The following FANCM variants were observed in gnomAD, a reference collection of about 807,000 sequenced individuals.
FANCM encodes FA complementation group M.
FANCM carries 140 observed loss-of-function variants against 199.5 expected under a neutral mutation model. That is an observed-to-expected ratio of 0.70 (90% confidence interval 0.61 to 0.81). The LOEUF (loss-of-function observed/expected upper bound fraction) is 0.81. Among genes scored for constraint, FANCM ranks in the 30% least tolerant of loss-of-function variants. The pLI, the probability that FANCM is intolerant of heterozygous loss-of-function variation, is 0.00. For synonymous variants in FANCM, 840 were observed against 836.8 expected (o/e 1.00, Z -0.07); for missense variants, 2,410 against 2,421.4 (o/e 1.00, Z 0.10).
At chr14:45,168,123 T>C (rs1888105696) in intron 11 of FANCM, among the ~76,000 whole-genome samples, 1 of 152,192 alleles carries the variant, frequency 6.6e-6, no homozygotes. Context: ...TGTTCAACTG[T>C]TTGTTCCACT....
chr14:45,141,827 G>T (rs1462430862), intron 3 of FANCM, among the ~76,000 whole-genome samples: 1 of 151,902 alleles, frequency 6.6e-6, no homozygotes, highest in Non-Finnish European at 1.5e-5. Flanking sequence ...GACCTCAGGT[G>T]ATCTGCCGGC....
chr14:45,168,005 G>A (rs1019036719), intron 11 of FANCM, among the ~76,000 whole-genome samples: 2 of 151,974 alleles, frequency 1.3e-5, no homozygotes, highest in Non-Finnish European at 2.9e-5. Context: ...CTGTGTCTTT[G>A]TACCTTTTTC....
Position 45,185,268 on chromosome 14 carries a change from G to A in FANCM, c.4567G>A (p.Ala1523Thr), listed in dbSNP as rs1373303728. ...DDEAELSEEDAEYVSSDENDE... is the reference protein window; with the variant it reads ...DDEAELSEEDTEYVSSDENDE... Reference sequence around the variant, plus strand: ...TGAAGCAGAACTTTCTGAAGAAGATGCAGAATATGTTTCATCAGATGAAAA... The same window carrying A: ...TGAAGCAGAACTTTCTGAAGAAGATACAGAATATGTTTCATCAGATGAAAA... The change falls in exon 18 of 23, where the codon GCA (alanine) becomes ACA (threonine). Residue 1523 changes from alanine to threonine, a missense_variant. Ala to Thr is a moderately conservative substitution (Grantham distance 58). Transcript: ENST00000267430. The A allele has an allele frequency of 3.1e-6, 5 of 1,603,894 alleles. No individual in the cohort carries two copies. Among genetic ancestry groups the A allele is most frequent in the Admixed American group, 3.3e-5 (2 of 59,862 alleles).
intron 2 of FANCM, among the ~76,000 whole-genome samples, chr14:45,139,600 G>A (rs1025912832): frequency 3.3e-5 from 5 of 152,188 alleles, no homozygotes; most frequent in Admixed American, 6.5e-5. Flanking sequence ...TGGTGCTACC[G>A]AGGAAATGTT....
intron 15 of FANCM, 44 bp downstream of exon 15, chr14:45,181,568 T>C: frequency 1.3e-6 from 2 of 1,511,208 alleles, no homozygotes; most frequent in South Asian, 2.2e-5. Context: ...TATCAAAGGC[T>C]ATTTTCCTTT....
chr14:45,149,901 A>T (rs1441196813), intron 4 of FANCM, among the ~76,000 whole-genome samples: 1 of 152,126 alleles, frequency 6.6e-6, no homozygotes, highest in South Asian at 2.1e-4. Context: ...GGAGGCCAGG[A>T]ATCAGCTAAA....
Position 45,183,818 on chromosome 14 carries a change from A to G in FANCM, c.4431A>G (p.Pro1477=). ...SSDESENFPK[P]CSQLEDFKVC... ...ATGAGAGTGAGAATTTTCCCAAACCATGTTCACAATTAGAAGACTTCAAGG... is the reference window on the plus strand; with the variant it reads ...ATGAGAGTGAGAATTTTCCCAAACCGTGTTCACAATTAGAAGACTTCAAGG... The change falls in exon 17 of 23, where the codon CCA becomes CCG. Residue 1477 remains proline, a synonymous_variant. Coordinates refer to ENST00000267430, the MANE Select transcript of FANCM (RefSeq NM_020937.4). The G allele has an allele frequency of 6.2e-7, 1 of 1,608,862 alleles. No homozygotes were observed. The highest frequency in any genetic ancestry group is 8.5e-7 in the Non-Finnish European group (1 of 1,175,538).
intron 2 of FANCM, among the ~76,000 whole-genome samples, chr14:45,140,287 T>G (rs1322071988): frequency 6.6e-6 from 1 of 152,152 alleles, no homozygotes; most frequent in Non-Finnish European, 1.5e-5. Flanking sequence ...GGTCTTGAAC[T>G]CTTGAGCTAA....
In FANCM at chr14:45,136,011, C is replaced by G. The variant is rs1387801764; in HGVS notation, c.-21C>G. 1 of 1,612,636 alleles carries G rather than the reference C, an allele frequency of 6.2e-7. No homozygotes were observed. ...TGCTGCTACGGATATCTGACAGAAG[C>G]CTTCGGTGGTTGTCGGCCTAATGAG... On this transcript the variant is annotated 5_prime_UTR_variant, in exon 1 of 23. Coordinates refer to ENST00000267430, the MANE Select transcript of FANCM (RefSeq NM_020937.4).
At chr14:45,153,813 T>C (rs1408892538) in intron 5 of FANCM, 107 bp from the exon 6 acceptor site, 4 of 871,080 alleles carry the variant, frequency 4.6e-6, no homozygotes, top group African/African-American at 3.3e-5. Context: ...TATGATCATT[T>C]GGATTATATT....
At position 45,155,234 on chromosome 14, in the gene FANCM, T is replaced by A. The variant is rs116494737; in HGVS notation, c.1310-139T>A. 3.2e-3 allele frequency: 1,693 copies of A among 537,130 alleles called. 21 individuals carry two copies. The highest frequency in any genetic ancestry group is 0.029 in the African/African-American group (1,499 of 52,430). The allele number at this position is 537,130 out of a possible 1,614,324, so 33.3% of individuals were successfully genotyped here. A position where few individuals can be genotyped will look rare whatever the true frequency, so the allele number is the denominator to read the frequency against. ...CAGTAAGACTTACGTGCTACCTAGATGTTACCTCTGGTTTAAGTTTTTTAA... is the reference window on the plus strand; with the variant it reads ...CAGTAAGACTTACGTGCTACCTAGAAGTTACCTCTGGTTTAAGTTTTTTAA... On this transcript the variant is annotated intron_variant, in intron 7 of 22. Coordinates refer to ENST00000267430, the MANE Select transcript of FANCM (RefSeq NM_020937.4).
At chr14:45,195,383 T>C (rs191315242) in intron 20 of FANCM, 19 of 373,554 alleles carry the variant, frequency 5.1e-5, no homozygotes, top group Admixed American at 4.6e-4. Flanking sequence ...CTCTACCAGA[T>C]ATTAAGATTG....
Position 45,176,096 on chromosome 14 carries a change from C to A in FANCM, c.3342C>A (p.Asn1114Lys), listed in dbSNP as rs1246143735. The A allele has an allele frequency of 1.2e-6, 2 of 1,613,928 alleles. No individual in the cohort carries two copies. Among genetic ancestry groups the A allele is most frequent in the Non-Finnish European group, 1.7e-6 (2 of 1,179,972 alleles). ...CTGCACAGAATTTAGTTGGAGAGAA[C>A]AATCATGATGTTGATAACAGTGACC... ...RSPAQNLVGE[N>K]NHDVDNSDLP... Residue 1114 changes from asparagine (N) to lysine (K), a missense_variant, in exon 14 of 23, where the codon AAC (asparagine) becomes AAA (lysine). By Grantham distance (94) the Asn-to-Lys change is moderately conservative. Transcript: ENST00000267430.
At chr14:45,153,540 A>G (rs1287572818) in intron 5 of FANCM, among the ~76,000 whole-genome samples, 1 of 152,254 alleles carries the variant, frequency 6.6e-6, no homozygotes. Context: ...AGTGCTTGAC[A>G]GGTAGTAGAT....
chr14:45,195,719 A>G (rs974715131), intron 20 of FANCM: 2 of 325,616 alleles, frequency 6.1e-6, no homozygotes, highest in Non-Finnish European at 1.2e-5. Context: ...GTTTTTTAAA[A>G]CTGAACAGGT....
At chr14:45,164,289 G>GA (rs1887806750) in intron 9 of FANCM, 70 bp from the exon 10 acceptor site, 1 of 1,317,994 alleles carries the variant, frequency 7.6e-7, no homozygotes, top group Admixed American at 1.7e-5. Context: ...GGTGAGTGGG[G>GA]AAAAATATGC....
intron 4 of FANCM, among the ~76,000 whole-genome samples, chr14:45,151,181 G>A (rs1886789810): frequency 6.6e-6 from 1 of 150,482 alleles, no homozygotes; most frequent in South Asian, 2.1e-4. Flanking sequence ...AATTACAGTT[G>A]TATATAATAA....
intron 5 of FANCM, among the ~76,000 whole-genome samples, chr14:45,152,102 C>T (rs1886865745): frequency 6.6e-6 from 1 of 150,820 alleles, no homozygotes; most frequent in Non-Finnish European, 1.5e-5. Context: ...GACCTTGGCT[C>T]ACTGTAACCT....
At chr14:45,140,744 G>A (rs546000070) in intron 3 of FANCM, 35 bp downstream of exon 3, 1 of 1,359,600 alleles carries the variant, frequency 7.4e-7, no homozygotes, top group African/African-American at 1.4e-5. Context: ...TTACAGTTAA[G>A]AAAATAAAGC....
Sources: gnomAD v4.1 joint callset for allele counts (sites outside exome capture counted in the v4.1 genomes callset) on GRCh38, gnomAD v4.1.1 for gene constraint, MANE v1.5 for transcripts, NCBI Gene and HGNC (gene_info 2026-07-23, HGNC 2026-07-21) for gene names.